WDR59: variants seen among roughly 807,000 people sequenced by gnomAD.
WDR59 encodes GATOR2 complex protein WDR59.
A neutral mutation model predicts 131.2 loss-of-function variants in WDR59; 100 were observed. The observed-to-expected ratio is 0.76, with a 90% CI of 0.65 to 0.90. The LOEUF (loss-of-function observed/expected upper bound fraction) is 0.90, where lower values mean the gene tolerates loss of function less well. Among genes scored for constraint, WDR59 ranks in the 40% least tolerant of loss-of-function variants. The probability of loss-of-function intolerance (pLI) is 0.00; values close to 1 mark genes in which losing one functional copy is unlikely to be tolerated. For synonymous variants in WDR59, 601 were observed against 466.2 expected (o/e 1.29, Z -3.72); for missense variants, 1,203 against 1,262.2 (o/e 0.95, Z 0.71).
chr16:74,958,636 C>CAA (rs1324694576), intron 2 of WDR59, among the ~76,000 whole-genome samples: 2 of 85,160 alleles, frequency 2.3e-5, no homozygotes, highest in Non-Finnish European at 5.3e-5. Context: ...TAAATAAAGC[C>CAA]AAAGTACATG....
chr16:74,892,145 T>C (rs1043006770), intron 20 of WDR59, among the ~76,000 whole-genome samples: 1 of 152,156 alleles, frequency 6.6e-6, no homozygotes, highest in African/African-American at 2.4e-5. Flanking sequence ...CTTTGGTAAA[T>C]ATTTCATAAA....
chr16:74,967,857 CAAAAA>C (rs10585403), intron 1 of WDR59, among the ~76,000 whole-genome samples: 1 of 114,304 alleles, frequency 8.7e-6, no homozygotes, highest in Non-Finnish European at 1.9e-5. Context: ...GACTCGGTCT[CAAAAA>C]AAAAAAAAAA....
At chr16:74,961,235 G>A (rs571845390) in intron 2 of WDR59, among the ~76,000 whole-genome samples, 14 of 152,090 alleles carry the variant, frequency 9.2e-5, no homozygotes, top group Admixed American at 2.6e-4. Flanking sequence ...TTGAGCCCTG[G>A]AAGTCGAGAC....
In WDR59 at chr16:74,888,173, C is replaced by T. The variant is rs1418239857; in HGVS notation, c.2342G>A (p.Arg781Gln). The change falls in exon 22 of 26, where the codon CGA becomes CAA. Residue 781 changes from arginine (R) to glutamine (Q), a missense_variant. Arg to Gln is a conservative substitution (Grantham distance 43, BLOSUM62 1). Transcript: ENST00000262144. The part of the protein sequence containing the change: ...RSSNLVVSHS[R>Q]YPSFTSSGSC... ...ACCAGAAAAGGACAAACTTACATAT[C>T]GACTATGGGACACCACAAGATTAGA... 2.5e-6 allele frequency: 4 copies of T among 1,578,930 alleles called. No homozygotes were observed. Among genetic ancestry groups the T allele is most frequent in the African/African-American group, 1.4e-5 (1 of 72,178 alleles).
intron 1 of WDR59, among the ~76,000 whole-genome samples, chr16:74,968,207 G>A (rs974494533): frequency 5.3e-5 from 8 of 152,138 alleles, no homozygotes; most frequent in East Asian, 1.9e-4. Context: ...AGGACGGGGA[G>A]ACTGAGAGAT....
chr16:74,934,920 T>G (rs1324439358), intron 8 of WDR59, among the ~76,000 whole-genome samples: 1 of 152,044 alleles, frequency 6.6e-6, no homozygotes, highest in African/African-American at 2.4e-5. Flanking sequence ...CAAAGCTACA[T>G]GTTTCTCACC....
rs1230909504 is a variant in WDR59, at chr16:74,886,352, A to C, written c.2464T>G (p.Ser822Ala). 6.2e-7 allele frequency: 1 copy of C among 1,613,912 alleles called. No homozygotes were observed. The highest frequency in any genetic ancestry group is 2.2e-5 in the East Asian group (1 of 44,882). ...CTCCCAAAGCGGAGCTCTTCTGGTGAGGATTCTCCCCAAGGGGAGGACAAG... is the reference window on the plus strand; with the variant it reads ...CTCCCAAAGCGGAGCTCTTCTGGTGCGGATTCTCCCCAAGGGGAGGACAAG... ...EHLSSPWGESSPEELRFGSLT... is the reference protein window; with the variant it reads ...EHLSSPWGESAPEELRFGSLT... Residue 822 changes from serine to alanine, a missense_variant, in exon 24 of 26, where the codon TCA becomes GCA. Coordinates refer to ENST00000262144, the MANE Select transcript of WDR59 (RefSeq NM_030581.4).
chr16:74,903,873 G>A, intron 18 of WDR59, 74 bp downstream of exon 18: 2 of 1,512,694 alleles, frequency 1.3e-6, no homozygotes, highest in South Asian at 1.2e-5. Context: ...TCTAGCTGCT[G>A]CGCCAGGCAG....
chr16:74,880,199 G>C (rs12918687), intron 25 of WDR59, among the ~76,000 whole-genome samples: 1 of 152,160 alleles, frequency 6.6e-6, no homozygotes, highest in Non-Finnish European at 1.5e-5. Context: ...TGTAATCCCA[G>C]CACTTTGGGA....
At chr16:74,943,445 C>G (rs1010111475) in intron 6 of WDR59, among the ~76,000 whole-genome samples, 4 of 152,138 alleles carry the variant, frequency 2.6e-5, no homozygotes, top group African/African-American at 9.7e-5. Context: ...AGTATGTGAC[C>G]TCAGTCCTTT....
At chr16:74,925,896 G>A (rs573722329) in intron 8 of WDR59, among the ~76,000 whole-genome samples, 2 of 151,262 alleles carry the variant, frequency 1.3e-5, no homozygotes, top group East Asian at 3.9e-4. Context: ...GAAGTGGGAG[G>A]AATGATTGAG....
At chr16:74,965,294 G>A (rs1045535764) in intron 2 of WDR59, among the ~76,000 whole-genome samples, 1 of 102,328 alleles carries the variant, frequency 9.8e-6, no homozygotes, top group African/African-American at 5.2e-5. Flanking sequence ...GCCAGAAGAT[G>A]CTACAGAAAC....
At position 74,893,702 on chromosome 16, in the gene WDR59, G is replaced by C. The variant is rs922620822; in HGVS notation, c.1977C>G (p.His659Gln). 2.5e-6 allele frequency: 4 copies of C among 1,613,914 alleles called. No individual in the cohort carries two copies. The highest frequency in any genetic ancestry group is 3.4e-6 in the Non-Finnish European group (4 of 1,179,992). Residue 659 changes from histidine to glutamine, a missense_variant, in exon 19 of 26, where the codon CAC becomes CAG. Transcript: ENST00000262144. The stretch of plus-strand genomic sequence containing the variant: ...ACATGTACAGCTCTCCCAGCGATTT[G>C]TGAACAGGCAGGAGGCAAGCAATAT... ...IQDIACLLPV[H>Q]KSLGELYILN...
At chr16:74,928,716 C>T (rs1004769349) in intron 8 of WDR59, among the ~76,000 whole-genome samples, 1 of 151,942 alleles carries the variant, frequency 6.6e-6, no homozygotes, top group Non-Finnish European at 1.5e-5. Context: ...AGCCTGGTCA[C>T]CATGGCGAAA....
At position 74,874,398 on chromosome 16, in the gene WDR59, C is replaced by T. The variant is rs1014845926; in HGVS notation, c.2736G>A (p.Thr912=). ...TGAAGCCTTTGCAGATGGCACACTG[C>T]GTGCCACGGACCTCACTCCGGCAGT... ...CSHCRSEVRG[T]QCAICKGFTF... The change falls in exon 26 of 26, where the codon ACG becomes ACA. Residue 912 remains threonine, a synonymous_variant. Transcript: ENST00000262144. 7.4e-6 allele frequency: 12 copies of T among 1,614,062 alleles called. No homozygotes were observed. Among genetic ancestry groups the T allele is most frequent in the East Asian group, 2.2e-5 (1 of 44,874 alleles).
intron 9 of WDR59, among the ~76,000 whole-genome samples, 187 bp from the exon 10 acceptor site, chr16:74,922,290 T>C (rs951899293): frequency 2.0e-5 from 3 of 152,212 alleles, no homozygotes; most frequent in Admixed American, 2.0e-4. Flanking sequence ...TCTTTGCTTA[T>C]GGAAGGGACC....
In WDR59 at chr16:74,909,674, C is replaced by T. The variant is rs1363781378; in HGVS notation, c.1486-17G>A. ...TTCCTGGTTCTGAAATTTAAAAATCCACAAGCTAAAAACCACAACCTGTCT... is the reference window on the plus strand; with the variant it reads ...TTCCTGGTTCTGAAATTTAAAAATCTACAAGCTAAAAACCACAACCTGTCT... On this transcript the variant is annotated splice_polypyrimidine_tract_variant and intron_variant, in intron 15 of 25. Transcript: ENST00000262144. 2 of 1,552,988 alleles carry T rather than the reference C, an allele frequency of 1.3e-6. No homozygotes were observed. The highest frequency in any genetic ancestry group is 1.7e-6 in the Non-Finnish European group (2 of 1,151,604).
intron 2 of WDR59, among the ~76,000 whole-genome samples, chr16:74,957,435 C>G (rs1327033005): frequency 2.6e-5 from 4 of 152,116 alleles, no homozygotes; most frequent in African/African-American, 9.7e-5. Context: ...CTGCACTCAA[C>G]AAATGTGAGT....
chr16:74,947,400 AT>A (rs1271004515), intron 6 of WDR59, among the ~76,000 whole-genome samples: 1 of 152,160 alleles, frequency 6.6e-6, no homozygotes, highest in Admixed American at 6.5e-5. Context: ...AACAAAAAAA[AT>A]ATGCAGATAC....
Sources: allele counts gnomAD v4.1 joint callset (sites outside exome capture counted in the v4.1 genomes callset), GRCh38; gene constraint gnomAD v4.1.1; transcripts MANE v1.5; gene names NCBI Gene and HGNC (gene_info 2026-07-23, HGNC 2026-07-21).